Variants in HCN1 observed in about 807,000 individuals in gnomAD.
HCN1 encodes the protein potassium/sodium hyperpolarization-activated cyclic nucleotide-gated channel 1.
Under a neutral mutation model 78.9 loss-of-function variants are expected in HCN1, and 13 were observed. The ratio of observed to expected loss-of-function variants is 0.16; its 90% CI spans 0.11 to 0.26. HCN1 has a LOEUF of 0.26. Ranked by LOEUF, HCN1 falls within the 10% of genes least tolerant of loss-of-function variation. The pLI, the probability that HCN1 is intolerant of heterozygous loss-of-function variation, is 1.00. For missense variants in HCN1, 810 were observed against 1,154.3 expected, an observed-to-expected ratio of 0.70 and a Z score of 4.32; for synonymous variants, 552 against 455.5, an observed-to-expected ratio of 1.21 and a Z score of -2.70.
At chr5:45,408,640 A>C (rs1371587736) in intron 3 of HCN1, among the ~76,000 whole-genome samples, 2 of 152,184 alleles carry the variant, frequency 1.3e-5, no homozygotes, top group Non-Finnish European at 2.9e-5. Context: ...ATGACATTAC[A>C]TTGCTAAGTA....
intron 1 of HCN1, among the ~76,000 whole-genome samples, chr5:45,679,197 C>T (rs1011274868): frequency 6.6e-6 from 1 of 151,954 alleles, no homozygotes; most frequent in Non-Finnish European, 1.5e-5. Flanking sequence ...CATTTATAAG[C>T]TATCATTATA....
chr5:45,633,777 A>G (rs1262483681), intron 2 of HCN1, among the ~76,000 whole-genome samples: 1 of 151,994 alleles, frequency 6.6e-6, no homozygotes. Context: ...ATATAATTAC[A>G]TATGCAATGT....
intron 5 of HCN1, among the ~76,000 whole-genome samples, chr5:45,316,029 A>C (rs1745983037): frequency 6.6e-6 from 1 of 152,218 alleles, no homozygotes; most frequent in Non-Finnish European, 1.5e-5. Flanking sequence ...TATTCCAATC[A>C]ATAGATAAAG....
chr5:45,365,523 A>C (rs535650860), intron 4 of HCN1, among the ~76,000 whole-genome samples: 2 of 152,060 alleles, frequency 1.3e-5, no homozygotes, highest in Non-Finnish European at 2.9e-5. Context: ...GACATGATTA[A>C]ATTATTTTTT....
rs557141444 is a variant in HCN1 at position 45,408,979 on chromosome 5, T to A, written c.1012-12269A>T. Among the ~76,000 whole-genome samples, 15 of 152,214 alleles carry A rather than the reference T, an allele frequency of 9.9e-5. No individual in the cohort carries two copies. In the South Asian group the frequency reaches 3.1e-3, roughly 32 times the overall value. Reference sequence around the variant, plus strand: ...TTGGGTGTTTATGTCGGTTATCAGATCATAAAATTTATTAAATATGCAGTT... The same window carrying A: ...TTGGGTGTTTATGTCGGTTATCAGAACATAAAATTTATTAAATATGCAGTT... On this transcript the variant is annotated intron_variant, in intron 3 of 7. Transcript: ENST00000303230.
intron 2 of HCN1, among the ~76,000 whole-genome samples, chr5:45,497,777 C>A (rs1403895551): frequency 2.0e-5 from 3 of 152,112 alleles, no homozygotes; most frequent in Non-Finnish European, 4.4e-5. Flanking sequence ...TTAGGGCAGG[C>A]CTGGTGGTGA....
At chr5:45,653,771 G>T (rs191356334) in intron 1 of HCN1, among the ~76,000 whole-genome samples, 1 of 152,144 alleles carries the variant, frequency 6.6e-6, no homozygotes, top group Non-Finnish European at 1.5e-5. Flanking sequence ...GGACTATTGT[G>T]GGTGGGGGGA....
chr5:45,645,665 C>A (rs532446615), intron 1 of HCN1, 57 bp from the exon 2 acceptor site: 2 of 1,144,554 alleles, frequency 1.7e-6, no homozygotes, highest in East Asian at 4.8e-5. Flanking sequence ...GCCTATCCCC[C>A]CCATGAAAAA....
chr5:45,299,987 G>A (rs1745577626), intron 6 of HCN1, among the ~76,000 whole-genome samples: 1 of 151,852 alleles, frequency 6.6e-6, no homozygotes, highest in Non-Finnish European at 1.5e-5. Flanking sequence ...TTTAACACAA[G>A]GATATTCAGT....
intron 2 of HCN1, among the ~76,000 whole-genome samples, chr5:45,608,201 A>G (rs1420772514): frequency 6.6e-6 from 1 of 152,072 alleles, no homozygotes; most frequent in Non-Finnish European, 1.5e-5. Context: ...GTAAAATTTT[A>G]TTCAAAAATG....
chr5:45,593,319 CTCCCT>C (rs1561213345), intron 2 of HCN1, among the ~76,000 whole-genome samples: 38 of 46,844 alleles, frequency 8.1e-4, no homozygotes, highest in African/African-American at 1.9e-3. Context: ...CTCTCTCTCT[CTCCCT>C]CTCTCTCTCT....
At chr5:45,681,302 T>C (rs1402872174) in intron 1 of HCN1, among the ~76,000 whole-genome samples, 2 of 152,180 alleles carry the variant, frequency 1.3e-5, no homozygotes, top group Non-Finnish European at 2.9e-5. Context: ...AAGTTGCCCA[T>C]GATTTTTTGT....
chr5:45,287,613 A>G (rs1267175571), intron 6 of HCN1, among the ~76,000 whole-genome samples: 1 of 152,070 alleles, frequency 6.6e-6, no homozygotes, highest in East Asian at 1.9e-4. Flanking sequence ...AATTTTGTTT[A>G]TAGTGAGGAA....
chr5:45,314,430 A>G (rs181100407), intron 5 of HCN1, among the ~76,000 whole-genome samples: 1 of 152,324 alleles, frequency 6.6e-6, no homozygotes, highest in Admixed American at 6.5e-5. Flanking sequence ...AAAGACCGTC[A>G]AGGCTAGGAA....
chr5:45,287,080 CGT>C (rs765679473), intron 6 of HCN1, among the ~76,000 whole-genome samples: 28 of 148,064 alleles, frequency 1.9e-4, no homozygotes, highest in East Asian at 9.8e-4. Context: ...AGAAGGTATG[CGT>C]GTGTGTGTGT....
intron 2 of HCN1, among the ~76,000 whole-genome samples, chr5:45,568,738 T>A (rs1037378781): frequency 2.0e-5 from 3 of 152,156 alleles, no homozygotes; most frequent in Admixed American, 1.3e-4. Context: ...GAAGAATTGT[T>A]TACTTATTCA....
chr5:45,666,377 T>A (rs528307795), intron 1 of HCN1, among the ~76,000 whole-genome samples: 66 of 152,082 alleles, frequency 4.3e-4, no homozygotes, highest in Non-Finnish European at 7.5e-4. Flanking sequence ...AAAACATTTG[T>A]TTGGGCATAA....
At chr5:45,335,420 A>T (rs1746433284) in intron 5 of HCN1, among the ~76,000 whole-genome samples, 1 of 152,052 alleles carries the variant, frequency 6.6e-6, no homozygotes, top group Admixed American at 6.6e-5. Flanking sequence ...TAACATTTCA[A>T]TATCAAATTT....
intron 2 of HCN1, among the ~76,000 whole-genome samples, chr5:45,623,279 G>C (rs892194622): frequency 1.3e-5 from 2 of 152,142 alleles, no homozygotes; most frequent in African/African-American, 4.8e-5. Flanking sequence ...ATTCATTGCT[G>C]AATGAATGAT....
Sources: allele counts gnomAD v4.1 joint callset (sites outside exome capture counted in the v4.1 genomes callset), GRCh38; gene constraint gnomAD v4.1.1; transcripts MANE v1.5; gene names NCBI Gene and HGNC (gene_info 2026-07-23, HGNC 2026-07-21).